The following CFAP95 variants were observed in gnomAD, a reference collection of about 807,000 sequenced individuals.
The protein encoded by CFAP95 is cilia- and flagella-associated protein 95.
chr9:69,836,729 ATTTATTT>A, the CFAP95 span, among the ~76,000 whole-genome samples: 1 of 83,270 alleles, frequency 1.2e-5, no homozygotes, highest in Non-Finnish European at 2.6e-5. Context: ...TTATTTATTT[ATTTATTT>A]TTTATTATTA....
At chr9:69,898,758 CACTG>C in the CFAP95 span, among the ~76,000 whole-genome samples, 1 of 152,160 alleles carries the variant, frequency 6.6e-6, no homozygotes, top group East Asian at 1.9e-4. Context: ...GTGCATAGGG[CACTG>C]ACTTCTCTCT....
chr9:69,823,563 A>G, the CFAP95 span, among the ~76,000 whole-genome samples: 1 of 152,310 alleles, frequency 6.6e-6, no homozygotes, highest in Non-Finnish European at 1.5e-5. Context: ...GAGGTATGAT[A>G]TGTAAAACAC....
the CFAP95 span, among the ~76,000 whole-genome samples, chr9:69,882,749 C>G: frequency 3.3e-4 from 51 of 152,256 alleles, 1 homozygote; most frequent in Admixed American, 3.9e-4. Context: ...ATGTATCACA[C>G]TGATAGATTT....
chr9:69,900,352 A>C, the CFAP95 span, among the ~76,000 whole-genome samples: 14 of 152,314 alleles, frequency 9.2e-5, no homozygotes, highest in African/African-American at 2.9e-4. Context: ...ATCCAGATAC[A>C]TGAAGAGAAG....
At chr9:69,860,355 G>T in the CFAP95 span, among the ~76,000 whole-genome samples, 1 of 151,994 alleles carries the variant, frequency 6.6e-6, no homozygotes, top group African/African-American at 2.4e-5. Context: ...GGGAGGAGGT[G>T]CCAGGGTCTT....
chr9:69,877,596 G>A, the CFAP95 span, among the ~76,000 whole-genome samples: 458 of 152,168 alleles, frequency 3.0e-3, 1 homozygote, highest in Admixed American at 4.9e-3. Flanking sequence ...CTAATTTCTT[G>A]TTGCAGGTAT....
At chr9:69,821,651 A>G in the CFAP95 span, among the ~76,000 whole-genome samples, 1 of 152,262 alleles carries the variant, frequency 6.6e-6, no homozygotes, top group East Asian at 1.9e-4. Flanking sequence ...TTTCTAGGCT[A>G]CATACAAGAA....
the CFAP95 span, among the ~76,000 whole-genome samples, chr9:69,832,610 G>T: frequency 0.036 from 1,330 of 37,060 alleles, 24 homozygotes; most frequent in African/African-American, 0.11. Context: ...TATAGAAATA[G>T]TCTATTCGGA....
At chr9:69,838,693 C>T in the CFAP95 span, among the ~76,000 whole-genome samples, 2 of 151,558 alleles carry the variant, frequency 1.3e-5, no homozygotes, top group African/African-American at 4.9e-5. Context: ...GACAATTTGA[C>T]TTCCTCTTTT....
chr9:69,834,880 A>G, the CFAP95 span, among the ~76,000 whole-genome samples: 2 of 152,238 alleles, frequency 1.3e-5, no homozygotes, highest in African/African-American at 2.4e-5. Context: ...TACAAAGAAC[A>G]TAAGATTTTC....
At chr9:69,876,420 C>A in the CFAP95 span, among the ~76,000 whole-genome samples, 1 of 151,814 alleles carries the variant, frequency 6.6e-6, no homozygotes, top group Non-Finnish European at 1.5e-5. Context: ...GTAGTTCCAG[C>A]TACTTGGAAG....
At chr9:69,881,318 A>G in the CFAP95 span, among the ~76,000 whole-genome samples, 1 of 152,176 alleles carries the variant, frequency 6.6e-6, no homozygotes, top group African/African-American at 2.4e-5. Context: ...AAAGTCTTTA[A>G]TCCATTTTGA....
chr9:69,895,369 C>CTCTCTCTCTCTGTG, the CFAP95 span, among the ~76,000 whole-genome samples: 16 of 107,918 alleles, frequency 1.5e-4, no homozygotes, highest in African/African-American at 5.6e-4. Context: ...CTCTCTCTCT[C>CTCTCTCTCTCTGTG]TGTGTGTGTG....
chr9:69,824,229 C>G, the CFAP95 span, among the ~76,000 whole-genome samples: 2 of 152,158 alleles, frequency 1.3e-5, no homozygotes, highest in Non-Finnish European at 2.9e-5. Context: ...CAAAAAAGAA[C>G]AGGCAAGTGC....
the CFAP95 span, among the ~76,000 whole-genome samples, chr9:69,873,376 A>T: frequency 3.4e-4 from 52 of 152,262 alleles, no homozygotes; most frequent in Admixed American, 9.2e-4. Flanking sequence ...AAGTAGGAGG[A>T]AATGACCGGC....
the CFAP95 span, among the ~76,000 whole-genome samples, chr9:69,857,654 A>G: frequency 1.3e-5 from 2 of 152,168 alleles, no homozygotes; most frequent in African/African-American, 4.8e-5. Context: ...CCTCCCGAGT[A>G]GCTAGGGCTA....
chr9:69,879,906 G>A, the CFAP95 span, among the ~76,000 whole-genome samples: 1 of 151,836 alleles, frequency 6.6e-6, no homozygotes, highest in Non-Finnish European at 1.5e-5. Flanking sequence ...TTCTGTCTTA[G>A]TTGATAAAGG....
the CFAP95 span, among the ~76,000 whole-genome samples, chr9:69,843,544 TCCTC>T: frequency 1.1e-4 from 3 of 27,896 alleles, no homozygotes; most frequent in Admixed American, 1.4e-3. Context: ...CTCCTCCTCC[TCCTC>T]CTCCTCCTCC....
chr9:69,862,864 A>G, the CFAP95 span, among the ~76,000 whole-genome samples: 20 of 152,320 alleles, frequency 1.3e-4, no homozygotes, highest in African/African-American at 3.8e-4. Flanking sequence ...CCTTTCCTCC[A>G]TAAGTGGGTA....
Sources: gnomAD v4.1 joint callset for allele counts (sites outside exome capture counted in the v4.1 genomes callset) on GRCh38, gnomAD v4.1.1 for gene constraint, MANE v1.5 for transcripts, NCBI Gene and HGNC (gene_info 2026-07-23, HGNC 2026-07-21) for gene names.